ZNF644: variants seen among roughly 807,000 people sequenced by gnomAD.
ZNF644 encodes the protein zinc finger motif enhancer binding protein 2.
A neutral mutation model predicts 108.0 loss-of-function variants in ZNF644; 20 were observed. That is an observed-to-expected ratio of 0.19 (90% CI 0.13 to 0.27). The LOEUF (loss-of-function observed/expected upper bound fraction) is 0.27, where lower values mean the gene tolerates loss of function less well. Ranked by LOEUF, ZNF644 falls within the 10% of genes least tolerant of loss-of-function variation. The probability of loss-of-function intolerance (pLI) is 1.00; values close to 1 mark genes in which losing one functional copy is unlikely to be tolerated. For synonymous variants in ZNF644, 542 were observed against 539.1 expected (o/e 1.01, Z -0.08); for missense variants, 1,338 against 1,548.9 (o/e 0.86, Z 2.29).
chr1:90,971,732 C>G (rs773304794), intron 2 of ZNF644, among the ~76,000 whole-genome samples: 27 of 152,022 alleles, frequency 1.8e-4, no homozygotes, highest in Non-Finnish European at 2.8e-4. Flanking sequence ...AAGCCCACTT[C>G]TACGTAACAT....
chr1:91,003,733 A>T (rs547147854), intron 1 of ZNF644, among the ~76,000 whole-genome samples: 1 of 152,262 alleles, frequency 6.6e-6, no homozygotes, highest in East Asian at 1.9e-4. Context: ...GTTCATACAC[A>T]TGGAGAGACA....
chr1:91,014,546 T>C (rs1276874778), intron 1 of ZNF644, among the ~76,000 whole-genome samples: 2 of 152,204 alleles, frequency 1.3e-5, no homozygotes, highest in Admixed American at 6.5e-5. Context: ...CAAGGATAGA[T>C]AGCATGATTA....
intron 1 of ZNF644, among the ~76,000 whole-genome samples, chr1:91,017,306 C>T (rs983927128): frequency 3.3e-5 from 5 of 152,166 alleles, no homozygotes; most frequent in African/African-American, 1.2e-4. Context: ...TTTTTACTTA[C>T]AAAATCTCAG....
intron 1 of ZNF644, 99 bp from the exon 2 acceptor site, chr1:90,982,469 A>G: frequency 1.3e-6 from 1 of 779,866 alleles, no homozygotes; most frequent in African/African-American, 1.7e-5. Context: ...AAAAACACAA[A>G]CCAAATTATA....
At chr1:91,003,362 T>G (rs1272284106) in intron 1 of ZNF644, among the ~76,000 whole-genome samples, 2 of 152,122 alleles carry the variant, frequency 1.3e-5, no homozygotes, top group African/African-American at 4.8e-5. Flanking sequence ...TAAAAAAGGA[T>G]GAGTTCATGT....
At chr1:90,948,988 ATAAAAT>A (rs1411422905) in intron 2 of ZNF644, among the ~76,000 whole-genome samples, 2 of 152,176 alleles carry the variant, frequency 1.3e-5, no homozygotes, top group African/African-American at 4.8e-5. Flanking sequence ...TTTAGAAAAT[ATAAAAT>A]TAAAGTCTAA....
chr1:90,980,648 A>G (rs1465182925), intron 2 of ZNF644, among the ~76,000 whole-genome samples: 2 of 152,252 alleles, frequency 1.3e-5, no homozygotes, highest in Admixed American at 1.3e-4. Flanking sequence ...ATAAAAAATA[A>G]TGAACTGCTG....
chr1:91,017,629 T>C (rs1267476082), intron 1 of ZNF644, among the ~76,000 whole-genome samples: 2 of 152,206 alleles, frequency 1.3e-5, no homozygotes, highest in Non-Finnish European at 2.9e-5. Flanking sequence ...TATACTAACT[T>C]TCCATAATCA....
At chr1:91,014,170 CAT>C (rs1295405005) in intron 1 of ZNF644, among the ~76,000 whole-genome samples, 1 of 152,172 alleles carries the variant, frequency 6.6e-6, no homozygotes, top group Admixed American at 6.5e-5. Flanking sequence ...CATTACCTCA[CAT>C]AGTTATATTT....
intron 4 of ZNF644, among the ~76,000 whole-genome samples, chr1:90,933,623 C>A (rs1650991186): frequency 1.3e-5 from 2 of 152,038 alleles, no homozygotes; most frequent in South Asian, 4.2e-4. Context: ...GAGATCGCGC[C>A]ACTGCACTCC....
intron 4 of ZNF644, among the ~76,000 whole-genome samples, chr1:90,923,791 CCTTTG>C (rs1439963224): frequency 6.6e-6 from 1 of 152,060 alleles, no homozygotes; most frequent in Non-Finnish European, 1.5e-5. Flanking sequence ...AAGCAGATTT[CCTTTG>C]CTTTAAGAAT....
chr1:91,008,552 C>T (rs904167235), intron 1 of ZNF644, among the ~76,000 whole-genome samples: 1 of 152,190 alleles, frequency 6.6e-6, no homozygotes, highest in Non-Finnish European at 1.5e-5. Context: ...ACCACTAGTT[C>T]ATCAGGATAA....
chr1:90,941,351 A>T (rs376279072), intron 2 of ZNF644, 42 bp from the exon 3 acceptor site: 17 of 1,546,734 alleles, frequency 1.1e-5, no homozygotes, highest in Non-Finnish European at 1.5e-5. Flanking sequence ...CATGAAAGAA[A>T]AAATACTATT....
intron 2 of ZNF644, among the ~76,000 whole-genome samples, chr1:90,953,067 C>CA (rs1235302704): frequency 6.7e-6 from 1 of 149,090 alleles, no homozygotes; most frequent in Non-Finnish European, 1.5e-5. Flanking sequence ...CTCATGCTAT[C>CA]AGACTATCTG....
In ZNF644 at chr1:91,002,325, A is replaced by G. The variant is rs190418710; in HGVS notation, c.-18+19665T>C. On this transcript the variant is annotated intron_variant, in intron 1 of 5. Transcript: ENST00000337393. ...AAAACAGCATGGTACTGGTACCAAA[A>G]CAGAGATATAGACCAATGGAACAGA... 9.2e-5 allele frequency among the ~76,000 whole-genome samples: 14 copies of G among 152,292 alleles called. No individual in the cohort carries two copies. The East Asian group carries it at 2.7e-3, about 29-fold the overall frequency.
chr1:91,011,106 C>G (rs1377402015), intron 1 of ZNF644, among the ~76,000 whole-genome samples: 1 of 152,114 alleles, frequency 6.6e-6, no homozygotes, highest in Non-Finnish European at 1.5e-5. Context: ...AGATAATAAT[C>G]ATATACTTTT....
intron 1 of ZNF644, among the ~76,000 whole-genome samples, chr1:91,005,218 A>C (rs868048138): frequency 2.0e-5 from 3 of 152,190 alleles, no homozygotes; most frequent in Non-Finnish European, 2.9e-5. Flanking sequence ...ACATTAAGAC[A>C]AAAAATTGCT....
Position 90,939,293 on chromosome 1 carries a change from A to C in ZNF644, c.2061T>G (p.Ala687=), listed in dbSNP as rs1331129159. 6.2e-7 allele frequency: 1 copy of C among 1,613,992 alleles called. No homozygotes were observed. ...IHKRPHRIQK[A]RKSIAQSGVN... ...CACCTGATTGGGCAATGCTTTTCCG[A>C]GCTTTCTGTATTCTGTGTGGCCGCT... Residue 687 remains alanine, a synonymous_variant, in exon 3 of 6, where the codon GCT becomes GCG. Transcript: ENST00000337393.
Position 90,917,007 on chromosome 1 carries a change from A to AT in ZNF644, c.3792-18dup, listed in dbSNP as rs1232939788. On this transcript the variant is annotated splice_polypyrimidine_tract_variant and intron_variant, in intron 5 of 5. Coordinates refer to ENST00000337393, the MANE Select transcript of ZNF644 (RefSeq NM_201269.3). The stretch of plus-strand genomic sequence containing the variant: ...CCACAAAACCTACAGAAAGATAACA[A>AT]TTCTCTTAACATGACCAATTCTCTT... The AT allele has an allele frequency of 1.5e-5, 24 of 1,613,516 alleles. No homozygotes were observed. Among genetic ancestry groups the AT allele is most frequent in the Non-Finnish European group, 1.8e-5 (21 of 1,179,540 alleles).
Sources: allele counts gnomAD v4.1 joint callset (sites outside exome capture counted in the v4.1 genomes callset), GRCh38; gene constraint gnomAD v4.1.1; transcripts MANE v1.5; gene names NCBI Gene and HGNC (gene_info 2026-07-23, HGNC 2026-07-21).